GFOD2: variants seen among roughly 807,000 people sequenced by gnomAD.
GFOD2 encodes the protein glucose-fructose oxidoreductase domain-containing protein 2.
Under a neutral mutation model 24.6 loss-of-function variants are expected in GFOD2, and 9 were observed. That is an observed-to-expected ratio of 0.37 (90% CI 0.22 to 0.64). The LOEUF (loss-of-function observed/expected upper bound fraction) is 0.64. Ranked by LOEUF, GFOD2 falls within the 30% of genes least tolerant of loss-of-function variation. The pLI is 0.65. For synonymous variants in GFOD2, 211 were observed against 224.8 expected (o/e 0.94, Z 0.55); for missense variants, 476 against 532.5 (o/e 0.89, Z 1.04).
chr16:67,681,977 C>T (rs952904248), intron 2 of GFOD2: 47 of 622,846 alleles, frequency 7.5e-5, no homozygotes, highest in Non-Finnish European at 8.8e-5. Context: ...GTTAGGAGTT[C>T]GAAACCAGCT....
intron 1 of GFOD2, among the ~76,000 whole-genome samples, chr16:67,688,700 T>C (rs1434997542): frequency 6.6e-6 from 1 of 152,092 alleles, no homozygotes; most frequent in Non-Finnish European, 1.5e-5. Flanking sequence ...TTAATGTTAT[T>C]TTAAAAATTG....
chr16:67,679,848 T>C (rs1460064280), intron 2 of GFOD2, among the ~76,000 whole-genome samples: 3 of 151,754 alleles, frequency 2.0e-5, no homozygotes, highest in Non-Finnish European at 2.9e-5. Flanking sequence ...GATAGTGCCA[T>C]TGCCCTCCAG....
At chr16:67,682,355 T>C (rs1452679031) in intron 2 of GFOD2, 2 of 985,274 alleles carry the variant, frequency 2.0e-6, no homozygotes, top group East Asian at 1.1e-4. Context: ...AGTGTTTTTC[T>C]AATGAACCAC....
At chr16:67,707,058 CAAAAAA>C (rs34823143) in intron 1 of GFOD2, among the ~76,000 whole-genome samples, 7 of 102,876 alleles carry the variant, frequency 6.8e-5, no homozygotes, top group African/African-American at 1.5e-4. Context: ...GACTCCATCT[CAAAAAA>C]AAAAAAAAAA....
intron 1 of GFOD2, among the ~76,000 whole-genome samples, chr16:67,710,762 A>G (rs2053468168): frequency 6.6e-6 from 1 of 152,140 alleles, no homozygotes. Context: ...TACGATAAAA[A>G]CACTGACATT....
chr16:67,681,839 C>G (rs2053227461), intron 2 of GFOD2: 1 of 985,088 alleles, frequency 1.0e-6, no homozygotes, highest in Non-Finnish European at 1.2e-6. Context: ...ACATGTCTAC[C>G]TGAGTTTATC....
chr16:67,701,880 T>C (rs942383990), intron 1 of GFOD2, among the ~76,000 whole-genome samples: 1 of 152,038 alleles, frequency 6.6e-6, no homozygotes. Flanking sequence ...AAGGCCCGAC[T>C]GTTGAGACTT....
At position 67,694,987 on chromosome 16, in the gene GFOD2, CTTT is replaced by C. The variant is rs542893576; in HGVS notation, c.-87-9188_-87-9186del. ...CCTTTTCTACTTTCTCCATCTCTCTCTTTTTTTTTTTTTTTTTTTTTTTGAGAC... is the reference window on the plus strand; with the variant it reads ...CCTTTTCTACTTTCTCCATCTCTCTCTTTTTTTTTTTTTTTTTTTTGAGAC... On this transcript the variant is annotated intron_variant, in intron 1 of 2. Coordinates refer to ENST00000268797, the MANE Select transcript of GFOD2 (RefSeq NM_030819.4). Among the ~76,000 whole-genome samples, 8 of 121,566 alleles carry C rather than the reference CTTT, an allele frequency of 6.6e-5. No individual in the cohort carries two copies. In the South Asian group the frequency reaches 1.8e-3, roughly 27 times the overall value. 79.8% of individuals were successfully genotyped at this position (121,566 alleles called of 152,430 possible).
chr16:67,688,886 C>G (rs1182854315), intron 1 of GFOD2, among the ~76,000 whole-genome samples: 1 of 151,648 alleles, frequency 6.6e-6, no homozygotes, highest in Non-Finnish European at 1.5e-5. Context: ...AGACGCCCCC[C>G]CACCATGCCC....
In GFOD2 at chr16:67,675,333, C is replaced by T; in HGVS notation, c.980G>A (p.Trp327Ter). Residue 327 changes from tryptophan to a stop codon, truncating the protein, a stop_gained, in exon 3 of 3, where the codon TGG (tryptophan) becomes TAG (stop). Coordinates refer to ENST00000268797, the MANE Select transcript of GFOD2 (RefSeq NM_030819.4). LOFTEE classifies it high-confidence loss of function. Reference sequence around the variant, plus strand: ...GGCCATGGAGACAGGGGTGCGGTCCCAGGTGCGGCGGTCGCCCTGCCCCTG... The same window carrying T: ...GGCCATGGAGACAGGGGTGCGGTCCTAGGTGCGGCGGTCGCCCTGCCCCTG... ...SFQGQGDRRT[W>*]DRTPVSMAAS... 4 of 1,613,316 alleles carry T rather than the reference C, an allele frequency of 2.5e-6. No homozygotes were observed. The highest frequency in any genetic ancestry group is 3.4e-6 in the Non-Finnish European group (4 of 1,180,020).
chr16:67,715,089 G>A (rs1397179791), intron 1 of GFOD2, among the ~76,000 whole-genome samples: 3 of 150,260 alleles, frequency 2.0e-5, no homozygotes, highest in African/African-American at 2.5e-5. Flanking sequence ...ACGTACTTTC[G>A]CTCTTGTTGC....
intron 1 of GFOD2, among the ~76,000 whole-genome samples, chr16:67,712,296 C>CCCCTCT (rs1435879498): frequency 4.0e-4 from 41 of 103,196 alleles, no homozygotes; most frequent in South Asian, 8.1e-4. Flanking sequence ...CCTCCCCCTC[C>CCCCTCT]CCCTCTCCCT....
chr16:67,685,101 T>A (rs1471826681), intron 2 of GFOD2: 1 of 1,252,558 alleles, frequency 8.0e-7, no homozygotes, highest in African/African-American at 1.5e-5. Context: ...GCCCCAGAAA[T>A]GGGAGAACAA....
At chr16:67,716,809 C>G (rs948994517) in intron 1 of GFOD2, among the ~76,000 whole-genome samples, 10 of 152,226 alleles carry the variant, frequency 6.6e-5, no homozygotes, top group Non-Finnish European at 1.3e-4. Context: ...AATAACCCCA[C>G]AGGTGCAAGA....
intron 1 of GFOD2, among the ~76,000 whole-genome samples, chr16:67,707,034 G>T (rs1203061465): frequency 6.6e-6 from 1 of 150,930 alleles, no homozygotes; most frequent in African/African-American, 2.4e-5. Flanking sequence ...ACTCCAGCCT[G>T]GGCAACAGAG....
intron 2 of GFOD2, among the ~76,000 whole-genome samples, chr16:67,678,476 C>CAA (rs144320358): frequency 8.1e-4 from 61 of 74,894 alleles, no homozygotes; most frequent in African/African-American, 1.7e-3. Context: ...AACTCTGTCT[C>CAA]AAAAAAAAAA....
chr16:67,716,685 C>T (rs1452234131), intron 1 of GFOD2, among the ~76,000 whole-genome samples: 1 of 152,200 alleles, frequency 6.6e-6, no homozygotes, highest in African/African-American at 2.4e-5. Flanking sequence ...GCACAGAACA[C>T]AATGATTTTC....
chr16:67,710,366 C>T (rs950840965), intron 1 of GFOD2, among the ~76,000 whole-genome samples: 4 of 150,682 alleles, frequency 2.7e-5, no homozygotes, highest in Admixed American at 6.6e-5. Flanking sequence ...GTGATCTGCC[C>T]GCCTTGGCCT....
intron 1 of GFOD2, among the ~76,000 whole-genome samples, chr16:67,709,094 A>G (rs184820262): frequency 6.6e-6 from 1 of 152,130 alleles, no homozygotes; most frequent in East Asian, 1.9e-4. Context: ...CTTGAGCCCA[A>G]GAGTTTGAGA....
Sources: allele counts gnomAD v4.1 joint callset (sites outside exome capture counted in the v4.1 genomes callset), GRCh38; gene constraint gnomAD v4.1.1; transcripts MANE v1.5; gene names NCBI Gene and HGNC (gene_info 2026-07-23, HGNC 2026-07-21).